Variants in NSUN3 observed in about 807,000 individuals in gnomAD.
NSUN3 encodes the protein NOP2/Sun RNA methyltransferase 3.
A neutral mutation model predicts 36.8 loss-of-function variants in NSUN3; 24 were observed. That is an observed-to-expected ratio of 0.65 (90% CI 0.47 to 0.92). The LOEUF (loss-of-function observed/expected upper bound fraction) is 0.92, where lower values mean the gene tolerates loss of function less well. NSUN3 is among the 40% of genes least tolerant of loss of function. NSUN3 has a pLI of 0.00. For synonymous variants in NSUN3, 146 were observed against 145.2 expected, an observed-to-expected ratio of 1.01 and a Z score of -0.04; for missense variants, 381 against 392.8, an observed-to-expected ratio of 0.97 and a Z score of 0.25.
chr3:94,129,658 T>C lies in NSUN3; in HGVS notation c.*3168T>C, dbSNP rs530231555. ...CTGAATCTAAAAAGCTGAAATTATTTTTTAATGAGAAGATAAACCATAATT... is the reference window on the plus strand; with the variant it reads ...CTGAATCTAAAAAGCTGAAATTATTCTTTAATGAGAAGATAAACCATAATT... On this transcript the variant is annotated 3_prime_UTR_variant, in exon 6 of 6. Transcript: ENST00000314622. Among the ~76,000 whole-genome samples, 4 of 152,270 alleles carry C rather than the reference T, an allele frequency of 2.6e-5. No individual in the cohort carries two copies. Among genetic ancestry groups the C allele is most frequent in the African/African-American group, 9.6e-5 (4 of 41,554 alleles).
rs1177138857 is a variant in NSUN3 at position 94,127,156 on chromosome 3, C to T, written c.*666C>T. On this transcript the variant is annotated 3_prime_UTR_variant, in exon 6 of 6. Coordinates refer to ENST00000314622, the MANE Select transcript of NSUN3 (RefSeq NM_022072.5). ...AAATTATATTGAAAGGCCTTTAGAA[C>T]AGCAGATTCACATGCACATGTTTGA... The T allele has an allele frequency of 6.6e-6, 1 of 152,076 alleles. No homozygotes were observed. Among genetic ancestry groups the T allele is most frequent in the Non-Finnish European group, 1.5e-5 (1 of 68,030 alleles). 9.4% of individuals were successfully genotyped at this position (152,076 alleles called of 1,614,324 possible). A position where few individuals can be genotyped will look rare whatever the true frequency, so the allele number is the denominator to read the frequency against.
intron 2 of NSUN3, chr3:94,077,079 A>C (rs538387751): frequency 1.3e-6 from 1 of 788,030 alleles, no homozygotes; most frequent in African/African-American, 1.7e-5. Flanking sequence ...TCACCAAATC[A>C]TAAAGAAAAG....
intron 5 of NSUN3, among the ~76,000 whole-genome samples, chr3:94,095,983 A>G (rs1460591421): frequency 1.4e-5 from 2 of 147,124 alleles, no homozygotes; most frequent in Admixed American, 1.4e-4. Flanking sequence ...CTGGTCTTGA[A>G]CTCCTGACCT....
At chr3:94,075,233 T>C (rs1412186859) in intron 2 of NSUN3, among the ~76,000 whole-genome samples, 53 of 152,028 alleles carry the variant, frequency 3.5e-4, no homozygotes, top group Admixed American at 3.5e-3. Context: ...AACTTGGTGG[T>C]CTCAAGTTAA....
intron 2 of NSUN3, among the ~76,000 whole-genome samples, chr3:94,071,399 G>C (rs1247990784): frequency 6.6e-6 from 1 of 152,088 alleles, no homozygotes; most frequent in African/African-American, 2.4e-5. Context: ...AAATAAAAGA[G>C]GAAAACGAGC....
rs977832965 is a variant in NSUN3, at chr3:94,128,507, G to C, written c.*2017G>C. 4.7e-5 allele frequency: 7 copies of C among 150,372 alleles called. No homozygotes were observed. Among genetic ancestry groups the C allele is most frequent in the Non-Finnish European group, 8.9e-5 (6 of 67,688 alleles). 9.3% of individuals were successfully genotyped at this position (150,372 alleles called of 1,614,324 possible). ...CGATGAAGCTTAATCTGAATACTTG[G>C]TATGCTATTGAATTTACTTTCCTAT... is the stretch of plus-strand genomic sequence containing the variant. On this transcript the variant is annotated 3_prime_UTR_variant, in exon 6 of 6. Transcript: ENST00000314622.
At position 94,127,373 on chromosome 3, in the gene NSUN3, A is replaced by C. The variant is rs920068529; in HGVS notation, c.*883A>C. ...CATTCACAATCTGGAGGGGCTTTTT[A>C]TTTCACTTTGTTATAAAATGTTCTC... On this transcript the variant is annotated 3_prime_UTR_variant, in exon 6 of 6. Transcript: ENST00000314622. 6.6e-6 allele frequency: 1 copy of C among 152,144 alleles called. No individual in the cohort carries two copies. Among genetic ancestry groups the C allele is most frequent in the Non-Finnish European group, 1.5e-5 (1 of 68,024 alleles). 9.4% of individuals were successfully genotyped at this position (152,144 alleles called of 1,614,324 possible).
Position 94,126,589 on chromosome 3 carries a change from C to A in NSUN3, c.*99C>A. 1 of 1,079,758 alleles carries A rather than the reference C, an allele frequency of 9.3e-7. No homozygotes were observed. Among genetic ancestry groups the A allele is most frequent in the Non-Finnish European group, 1.3e-6 (1 of 757,062 alleles). 66.9% of individuals were successfully genotyped at this position (1,079,758 alleles called of 1,614,324 possible). On this transcript the variant is annotated 3_prime_UTR_variant, in exon 6 of 6. Coordinates refer to ENST00000314622, the MANE Select transcript of NSUN3 (RefSeq NM_022072.5). ...AATTATGCAGTAACTTTCTCTGGGTCTGTTTGGAATCCTATTTAGTTAATA... is the reference window on the plus strand; with the variant it reads ...AATTATGCAGTAACTTTCTCTGGGTATGTTTGGAATCCTATTTAGTTAATA...
At chr3:94,088,791 A>G (rs756931463) in intron 3 of NSUN3, among the ~76,000 whole-genome samples, 14 of 150,642 alleles carry the variant, frequency 9.3e-5, no homozygotes, top group East Asian at 2.0e-4. Flanking sequence ...TCATGCCTCA[A>G]CCTCCCGAGT....
intron 2 of NSUN3, among the ~76,000 whole-genome samples, chr3:94,068,304 G>A (rs2077213144): frequency 6.6e-6 from 1 of 152,144 alleles, no homozygotes; most frequent in Non-Finnish European, 1.5e-5. Flanking sequence ...CAAGCCTTCT[G>A]TATGTCCCTT....
At position 94,127,887 on chromosome 3, in the gene NSUN3, TA is replaced by T. The variant is rs1286787752; in HGVS notation, c.*1399del. 2 of 152,174 alleles carry T rather than the reference TA, an allele frequency of 1.3e-5. No individual in the cohort carries two copies. Among genetic ancestry groups the T allele is most frequent in the Non-Finnish European group, 2.9e-5 (2 of 68,022 alleles). The allele number at this position is 152,174 out of a possible 1,614,324, so 9.4% of individuals were successfully genotyped here. ...TTTTTTTTCTGTACCTTCAGTCTGT[TA>T]ATCATTTGTTTTCCTTTATGTCCAA... On this transcript the variant is annotated 3_prime_UTR_variant, in exon 6 of 6. Coordinates refer to ENST00000314622, the MANE Select transcript of NSUN3 (RefSeq NM_022072.5).
At chr3:94,116,601 T>A (rs1450562199) in intron 5 of NSUN3, among the ~76,000 whole-genome samples, 5 of 152,092 alleles carry the variant, frequency 3.3e-5, no homozygotes, top group African/African-American at 1.2e-4. Flanking sequence ...AAGCTTTTAT[T>A]GGATAACTAA....
chr3:94,089,827 A>G (rs960260123), intron 3 of NSUN3, among the ~76,000 whole-genome samples: 1 of 152,168 alleles, frequency 6.6e-6, no homozygotes, highest in Non-Finnish European at 1.5e-5. Context: ...TCTTGGTCTT[A>G]AACTTGGCTT....
At position 94,130,083 on chromosome 3, in the gene NSUN3, A is replaced by G. The variant is rs1277133567; in HGVS notation, c.*3593A>G. On this transcript the variant is annotated 3_prime_UTR_variant, in exon 6 of 6. Coordinates refer to ENST00000314622, the MANE Select transcript of NSUN3 (RefSeq NM_022072.5). ...TGTTGTCTTTATTGATGCTTAAAAC[A>G]AACTCAGGAATAAGTATTATAACCC... Among the ~76,000 whole-genome samples, 1 of 152,168 alleles carries G rather than the reference A, an allele frequency of 6.6e-6. No individual in the cohort carries two copies. Among genetic ancestry groups the G allele is most frequent in the East Asian group, 1.9e-4 (1 of 5,192 alleles).
At chr3:94,116,529 T>C (rs1040420400) in intron 5 of NSUN3, among the ~76,000 whole-genome samples, 9 of 152,186 alleles carry the variant, frequency 5.9e-5, no homozygotes, top group African/African-American at 2.2e-4. Context: ...TCAGTAGATT[T>C]GCCTATCTGA....
intron 5 of NSUN3, among the ~76,000 whole-genome samples, chr3:94,107,542 C>T (rs112956768): frequency 4.6e-5 from 7 of 152,094 alleles, no homozygotes; most frequent in Admixed American, 1.3e-4. Context: ...TTGCCTTGGC[C>T]TCTGAAAGTG....
chr3:94,115,241 T>G (rs536700098), intron 5 of NSUN3, among the ~76,000 whole-genome samples: 1 of 152,236 alleles, frequency 6.6e-6, no homozygotes, highest in African/African-American at 2.4e-5. Flanking sequence ...ATGGACCAAC[T>G]GCAGGATCGA....
At chr3:94,112,254 G>A (rs2077420829) in intron 5 of NSUN3, among the ~76,000 whole-genome samples, 1 of 152,126 alleles carries the variant, frequency 6.6e-6, no homozygotes, top group Non-Finnish European at 1.5e-5. Flanking sequence ...CCAAATATCT[G>A]AATATCATGG....
intron 5 of NSUN3, among the ~76,000 whole-genome samples, chr3:94,124,824 GT>G (rs770058945): frequency 9.9e-5 from 15 of 151,928 alleles, no homozygotes; most frequent in Admixed American, 2.6e-4. Flanking sequence ...AGATTTTTTT[GT>G]TGTTGTTCTG....
Sources: allele counts gnomAD v4.1 joint callset (sites outside exome capture counted in the v4.1 genomes callset), GRCh38; gene constraint gnomAD v4.1.1; transcripts MANE v1.5; gene names NCBI Gene and HGNC (gene_info 2026-07-23, HGNC 2026-07-21).